RBFOX1: variants seen among roughly 807,000 people sequenced by gnomAD.
The protein encoded by RBFOX1 is RNA binding fox-1 homolog 1.
A neutral mutation model predicts 57.7 loss-of-function variants in RBFOX1; 8 were observed. The ratio of observed to expected loss-of-function variants is 0.14; its 90% CI spans 0.08 to 0.25. The LOEUF (loss-of-function observed/expected upper bound fraction) is 0.25. Ranked by LOEUF, RBFOX1 falls within the 10% of genes least tolerant of loss-of-function variation. The pLI is 1.00. For synonymous variants in RBFOX1, 326 were observed against 222.4 expected, an observed-to-expected ratio of 1.47 and a Z score of -4.15; for missense variants, 611 against 548.5, an observed-to-expected ratio of 1.11 and a Z score of -1.14.
At chr16:6,780,209 TTATATATATTTA>T (rs1322541842) in intron 3 of RBFOX1, among the ~76,000 whole-genome samples, 5 of 21,532 alleles carry the variant, frequency 2.3e-4, no homozygotes, top group South Asian at 2.0e-3. Context: ...TTTTATATAT[TTATATATATTTA>T]TATATATATT....
intron 4 of RBFOX1, among the ~76,000 whole-genome samples, chr16:7,222,343 G>A (rs1481223454): frequency 1.3e-5 from 2 of 152,326 alleles, no homozygotes; most frequent in East Asian, 3.9e-4. Flanking sequence ...TGGCTATATA[G>A]GTAGTTTATA....
chr16:5,393,403 C>G (rs1478820821), intron 1 of RBFOX1, among the ~76,000 whole-genome samples: 2 of 152,194 alleles, frequency 1.3e-5, no homozygotes, highest in African/African-American at 4.8e-5. Context: ...GTTGATCTCC[C>G]TTCTGCTTTT....
intron 4 of RBFOX1, among the ~76,000 whole-genome samples, chr16:7,151,316 G>A (rs928768438): frequency 1.3e-5 from 2 of 152,152 alleles, no homozygotes; most frequent in African/African-American, 2.4e-5. Context: ...AAATTCCAAC[G>A]TATTTAAACT....
At chr16:7,094,485 C>G (rs142791307) in intron 4 of RBFOX1, among the ~76,000 whole-genome samples, 3 of 152,232 alleles carry the variant, frequency 2.0e-5, no homozygotes, top group African/African-American at 7.2e-5. Context: ...GTTCTGGGGA[C>G]TGGATAGAAT....
At chr16:5,962,505 A>G (rs948881538) in intron 4 of RBFOX1, among the ~76,000 whole-genome samples, 2 of 152,026 alleles carry the variant, frequency 1.3e-5, no homozygotes, top group East Asian at 3.9e-4. Context: ...TTCACTTCAC[A>G]TCATCCTCTC....
At chr16:7,113,678 A>G (rs1166723450) in intron 4 of RBFOX1, among the ~76,000 whole-genome samples, 1 of 152,228 alleles carries the variant, frequency 6.6e-6, no homozygotes, top group Admixed American at 6.5e-5. Context: ...CATCTTGGAG[A>G]TTGTTGCATG....
chr16:6,869,355 C>A (rs564182863), intron 3 of RBFOX1, among the ~76,000 whole-genome samples: 27 of 152,216 alleles, frequency 1.8e-4, no homozygotes, highest in African/African-American at 6.3e-4. Context: ...GTTCACAAAT[C>A]CCATAGTTGT....
At chr16:7,704,353 G>A (rs905250331) in intron 14 of RBFOX1, among the ~76,000 whole-genome samples, 1 of 152,120 alleles carries the variant, frequency 6.6e-6, no homozygotes, top group Non-Finnish European at 1.5e-5. Flanking sequence ...TGGCAACTTG[G>A]CCAGTGTTTT....
intron 3 of RBFOX1, among the ~76,000 whole-genome samples, chr16:6,921,436 C>G (rs1279311361): frequency 6.6e-6 from 1 of 152,002 alleles, no homozygotes; most frequent in African/African-American, 2.4e-5. Flanking sequence ...GACCGTAAGT[C>G]TGAGATTGGT....
At chr16:6,276,728 G>T (rs1334461753) in intron 1 of RBFOX1, among the ~76,000 whole-genome samples, 3 of 151,674 alleles carry the variant, frequency 2.0e-5, no homozygotes, top group African/African-American at 7.3e-5. Flanking sequence ...TTCCCAAGAA[G>T]TTCTCCTCTC....
chr16:7,180,428 C>T (rs933846878), intron 4 of RBFOX1, among the ~76,000 whole-genome samples: 33 of 152,146 alleles, frequency 2.2e-4, no homozygotes, highest in Middle Eastern at 3.4e-3. Flanking sequence ...CATCAGATGC[C>T]GGGCAAGGTG....
intron 4 of RBFOX1, among the ~76,000 whole-genome samples, chr16:7,168,737 C>T (rs901140132): frequency 6.6e-5 from 10 of 152,156 alleles, no homozygotes; most frequent in African/African-American, 2.2e-4. Flanking sequence ...CTAAAAATAT[C>T]CATAACACAT....
At chr16:7,510,097 A>C (rs1189278723) in intron 4 of RBFOX1, 2 of 980,390 alleles carry the variant, frequency 2.0e-6, no homozygotes, top group Non-Finnish European at 2.4e-6. Context: ...AAAAAGTGCC[A>C]TCTGGGTTGG....
intron 3 of RBFOX1, among the ~76,000 whole-genome samples, chr16:6,863,834 C>G (rs2059443908): frequency 1.4e-5 from 2 of 144,630 alleles, no homozygotes; most frequent in Admixed American, 7.1e-5. Flanking sequence ...GGAGCCAAAT[C>G]AGGTAACCAG....
chr16:5,507,448 C>T (rs1019459098), intron 2 of RBFOX1, among the ~76,000 whole-genome samples: 5 of 151,936 alleles, frequency 3.3e-5, no homozygotes, highest in South Asian at 2.1e-4. Context: ...TGGGGGTTGG[C>T]GTGGGAATGG....
chr16:5,877,391 G>A (rs1271925256), intron 4 of RBFOX1, among the ~76,000 whole-genome samples: 4 of 152,232 alleles, frequency 2.6e-5, no homozygotes, highest in African/African-American at 9.6e-5. Flanking sequence ...GACGCTTTTA[G>A]CTAAGCTGTA....
At chr16:6,226,771 C>T (rs1368788572) in intron 1 of RBFOX1, among the ~76,000 whole-genome samples, 1 of 151,844 alleles carries the variant, frequency 6.6e-6, no homozygotes, top group African/African-American at 2.4e-5. Flanking sequence ...GAAGTTGTAA[C>T]AGTATATGCC....
rs140170131 is a variant in RBFOX1 at position 6,696,983 on chromosome 16, A to G, written c.-16+42333A>G. On this transcript the variant is annotated intron_variant, in intron 3 of 15. Transcript: ENST00000550418. ...CTAGTTGATTATAATTCTGTACCAA[A>G]TCAAAAGTGACTGCATTTAAAAACT... 1.2e-3 allele frequency among the ~76,000 whole-genome samples: 182 copies of G among 152,304 alleles called. 1 individual carries two copies. The highest frequency in any genetic ancestry group is 4.3e-3 in the African/African-American group (180 of 41,584).
rs1023725004 is a variant in RBFOX1, at chr16:7,187,618, G to A, written c.27+135520G>A. On this transcript the variant is annotated intron_variant, in intron 4 of 15. Transcript: ENST00000550418. ...GCAGGAGAATGGTGTGAACCCGGGAGGCAGAGCTTGCAGTGAGCCGAGATC... is the reference window on the plus strand; with the variant it reads ...GCAGGAGAATGGTGTGAACCCGGGAAGCAGAGCTTGCAGTGAGCCGAGATC... 3.4e-5 allele frequency among the ~76,000 whole-genome samples: 5 copies of A among 147,548 alleles called. 1 individual carries two copies. Among genetic ancestry groups the A allele is most frequent in the African/African-American group, 1.3e-4 (5 of 39,468 alleles).
Sources: allele counts gnomAD v4.1 joint callset (sites outside exome capture counted in the v4.1 genomes callset), GRCh38; gene constraint gnomAD v4.1.1; transcripts MANE v1.5; gene names NCBI Gene and HGNC (gene_info 2026-07-23, HGNC 2026-07-21).